RALGAPA2: variants seen among roughly 807,000 people sequenced by gnomAD.
The protein encoded by RALGAPA2 is ral GTPase-activating protein subunit alpha-2.
RALGAPA2 carries 139 observed loss-of-function variants against 230.4 expected under a neutral mutation model. That is an observed-to-expected ratio of 0.60 (90% CI 0.53 to 0.69). The LOEUF (loss-of-function observed/expected upper bound fraction) is 0.69, where lower values mean the gene tolerates loss of function less well. Ranked by LOEUF, RALGAPA2 falls within the 30% of genes least tolerant of loss-of-function variation. The probability of loss-of-function intolerance (pLI) is 0.00; values close to 1 mark genes in which losing one functional copy is unlikely to be tolerated. For missense variants in RALGAPA2, 2,163 were observed against 2,276.0 expected, an observed-to-expected ratio of 0.95 and a Z score of 1.01; for synonymous variants, 847 against 837.8, an observed-to-expected ratio of 1.01 and a Z score of -0.19.
At chr20:20,538,855 C>T (rs2063566217) in intron 24 of RALGAPA2, among the ~76,000 whole-genome samples, 1 of 152,180 alleles carries the variant, frequency 6.6e-6, no homozygotes, top group Non-Finnish European at 1.5e-5. Flanking sequence ...TACCAACCCA[C>T]AGAAGTCCTC....
chr20:20,399,708 G>T (rs1249744244), intron 38 of RALGAPA2, among the ~76,000 whole-genome samples: 1 of 152,258 alleles, frequency 6.6e-6, no homozygotes, highest in Non-Finnish European at 1.5e-5. Context: ...GTTATGTGCG[G>T]CTCCGCCTAG....
intron 37 of RALGAPA2, 31 bp downstream of exon 37, chr20:20,472,798 A>G: frequency 6.3e-7 from 1 of 1,598,644 alleles, no homozygotes; most frequent in Non-Finnish European, 8.5e-7. Flanking sequence ...TGGGATGGTT[A>G]GTAAGTTACA....
intron 35 of RALGAPA2, among the ~76,000 whole-genome samples, chr20:20,497,425 C>G (rs1295254262): frequency 6.6e-6 from 1 of 152,154 alleles, no homozygotes; most frequent in Non-Finnish European, 1.5e-5. Flanking sequence ...AGAGTTCACA[C>G]AGCCCTCACC....
chr20:20,591,128 C>A, intron 17 of RALGAPA2, 49 bp downstream of exon 17: 1 of 1,583,928 alleles, frequency 6.3e-7, no homozygotes, highest in Non-Finnish European at 8.6e-7. Context: ...GCTTTTATTC[C>A]TCTGCCAGAA....
intron 18 of RALGAPA2, among the ~76,000 whole-genome samples, chr20:20,586,280 G>A (rs562850294): frequency 3.5e-4 from 54 of 152,310 alleles, no homozygotes; most frequent in African/African-American, 1.3e-3. Context: ...CGTGGCTATT[G>A]CAAGGGTAAA....
At chr20:20,640,913 C>G in intron 5 of RALGAPA2, 35 bp from the exon 6 acceptor site, 2 of 1,527,502 alleles carry the variant, frequency 1.3e-6, no homozygotes, top group Non-Finnish European at 1.8e-6. Context: ...AAATGAAACA[C>G]ATGTATTTAC....
intron 37 of RALGAPA2, among the ~76,000 whole-genome samples, chr20:20,413,430 T>C (rs1327552994): frequency 6.6e-6 from 1 of 152,200 alleles, no homozygotes; most frequent in Admixed American, 6.5e-5. Context: ...AGAGGATAAT[T>C]TTCATACCGT....
At chr20:20,540,317 T>C (rs2063609308) in intron 24 of RALGAPA2, among the ~76,000 whole-genome samples, 1 of 152,234 alleles carries the variant, frequency 6.6e-6, no homozygotes, top group Non-Finnish European at 1.5e-5. Flanking sequence ...CACACTCATG[T>C]GCAATATTTG....
intron 37 of RALGAPA2, among the ~76,000 whole-genome samples, chr20:20,439,315 C>A (rs1054749627): frequency 2.0e-5 from 3 of 151,864 alleles, no homozygotes; most frequent in African/African-American, 7.3e-5. Flanking sequence ...TAGGCTCAAG[C>A]GATCCTCCCA....
chr20:20,431,083 C>T (rs1275302241), intron 37 of RALGAPA2, among the ~76,000 whole-genome samples: 1 of 151,994 alleles, frequency 6.6e-6, no homozygotes, highest in African/African-American at 2.4e-5. Flanking sequence ...CTTTGTGGAG[C>T]GAGTCCCCCT....
intron 39 of RALGAPA2, among the ~76,000 whole-genome samples, chr20:20,395,531 G>T (rs1444333935): frequency 6.6e-6 from 1 of 152,226 alleles, no homozygotes; most frequent in African/African-American, 2.4e-5. Context: ...AAGTTTTGCA[G>T]CAAGGTGCCC....
At chr20:20,615,353 G>T (rs1400833531) in intron 13 of RALGAPA2, among the ~76,000 whole-genome samples, 1 of 151,940 alleles carries the variant, frequency 6.6e-6, no homozygotes, top group African/African-American at 2.4e-5. Flanking sequence ...GTAGAGATGG[G>T]GTTTCACCAT....
chr20:20,431,904 T>A (rs1391215716), intron 37 of RALGAPA2, among the ~76,000 whole-genome samples: 1 of 152,094 alleles, frequency 6.6e-6, no homozygotes, highest in African/African-American at 2.4e-5. Flanking sequence ...GTGTCCCGGG[T>A]TTTTCCTCTA....
intron 36 of RALGAPA2, among the ~76,000 whole-genome samples, chr20:20,492,056 C>A (rs2123571367): frequency 6.6e-6 from 1 of 152,212 alleles, no homozygotes; most frequent in East Asian, 1.9e-4. Flanking sequence ...TGTTAAATTT[C>A]AAAGGACTTG....
At chr20:20,640,285 G>T (rs2066989566) in intron 6 of RALGAPA2, among the ~76,000 whole-genome samples, 1 of 152,208 alleles carries the variant, frequency 6.6e-6, no homozygotes, top group Non-Finnish European at 1.5e-5. Context: ...CATAGATGAT[G>T]CAGGAAAATA....
chr20:20,480,900 A>G (rs1380615629), intron 36 of RALGAPA2, among the ~76,000 whole-genome samples: 1 of 152,082 alleles, frequency 6.6e-6, no homozygotes, highest in Non-Finnish European at 1.5e-5. Context: ...AAGCCTGGGG[A>G]TTAATAAGAT....
intron 3 of RALGAPA2, among the ~76,000 whole-genome samples, chr20:20,668,580 A>G (rs1682600173): frequency 6.6e-6 from 1 of 152,222 alleles, no homozygotes; most frequent in South Asian, 2.1e-4. Context: ...CACTCTCATT[A>G]GGAAACTAAG....
At chr20:20,564,666 C>A (rs1283659541) in intron 23 of RALGAPA2, among the ~76,000 whole-genome samples, 2 of 152,214 alleles carry the variant, frequency 1.3e-5, no homozygotes, top group African/African-American at 4.8e-5. Flanking sequence ...GGCTCTCTAG[C>A]CCAATTCATT....
chr20:20,591,193 G>A lies in RALGAPA2; in HGVS notation c.2325C>T (p.Cys775=). Residue 775 remains cysteine (C), a synonymous_variant, in exon 17 of 40, where the codon TGC becomes TGT. Transcript: ENST00000202677. ...SSTSDIPEPL[C]SDSSQGQKAE... is the part of the protein sequence containing the mutation. ...ATCATGTACCCTGAGAAGAATCTGA[G>A]CACAGCGGCTCGGGGATGTCGGAGG... The A allele has an allele frequency of 6.2e-7, 1 of 1,613,758 alleles. No individual in the cohort carries two copies. Among genetic ancestry groups the A allele is most frequent in the South Asian group, 1.1e-5 (1 of 91,078 alleles).
Sources: gnomAD v4.1 joint callset for allele counts (sites outside exome capture counted in the v4.1 genomes callset) on GRCh38, gnomAD v4.1.1 for gene constraint, MANE v1.5 for transcripts, NCBI Gene and HGNC (gene_info 2026-07-23, HGNC 2026-07-21) for gene names.